The following SLC37A3 variants were observed in gnomAD, a reference collection of about 807,000 sequenced individuals.
SLC37A3 encodes the protein sugar phosphate exchanger 3.
SLC37A3 carries 51 observed loss-of-function variants against 67.1 expected under a neutral mutation model. That is an observed-to-expected ratio of 0.76 (90% CI 0.61 to 0.96). The LOEUF (loss-of-function observed/expected upper bound fraction) is 0.96, where lower values mean the gene tolerates loss of function less well. SLC37A3 is among the 40% of genes least tolerant of loss of function. The pLI is 0.00. For synonymous variants in SLC37A3, 214 were observed against 231.4 expected, an observed-to-expected ratio of 0.92 and a Z score of 0.68; for missense variants, 508 against 603.0, an observed-to-expected ratio of 0.84 and a Z score of 1.65.
At chr7:140,351,969 C>T (rs776758202) in intron 8 of SLC37A3, 93 bp downstream of exon 8, 2 of 1,280,054 alleles carry the variant, frequency 1.6e-6, no homozygotes, top group African/African-American at 1.5e-5. Context: ...TCAGAGTTTT[C>T]CTAGGAAAAA....
rs570809268 is a variant in SLC37A3 at position 140,359,125 on chromosome 7, C to T, written c.376-340G>A. 2.3e-3 allele frequency among the ~76,000 whole-genome samples: 356 copies of T among 151,608 alleles called. 3 individuals carry two copies. Among genetic ancestry groups the T allele is most frequent in the African/African-American group, 8.0e-3 (328 of 40,964 alleles). On this transcript the variant is annotated intron_variant, in intron 5 of 14. Coordinates refer to ENST00000326232, the MANE Select transcript of SLC37A3 (RefSeq NM_207113.3). Reference sequence around the variant, plus strand: ...TTGGGAGGCCGAGGAGGGCAGATCACAAGGTCAGGAAATCGAGACCATCCT... The same window carrying T: ...TTGGGAGGCCGAGGAGGGCAGATCATAAGGTCAGGAAATCGAGACCATCCT...
rs140980160 is a variant in SLC37A3, at chr7:140,347,712, T to TC, written c.1024+913dup. On this transcript the variant is annotated intron_variant, in intron 10 of 14. Transcript: ENST00000326232. ...ATACATTCTGCTCCTCTGCCTTACTTCCTTGTTCATACTTATTACCTCCTT... is the reference window on the plus strand; with the variant it reads ...ATACATTCTGCTCCTCTGCCTTACTTCCCTTGTTCATACTTATTACCTCCTT... 7.7e-3 allele frequency among the ~76,000 whole-genome samples: 1,162 copies of TC among 151,564 alleles called. 17 individuals are homozygous for TC. Among genetic ancestry groups the TC allele is most frequent in the African/African-American group, 0.025 (1,041 of 41,250 alleles).
chr7:140,355,360 C>A (rs150217986), intron 7 of SLC37A3, among the ~76,000 whole-genome samples: 3 of 152,078 alleles, frequency 2.0e-5, no homozygotes, highest in Admixed American at 2.0e-4. Flanking sequence ...TATAGGCATG[C>A]GCCACCACAC....
intron 5 of SLC37A3, among the ~76,000 whole-genome samples, chr7:140,362,905 G>T (rs1465309679): frequency 3.2e-5 from 2 of 63,420 alleles, no homozygotes; most frequent in Admixed American, 1.3e-4. Flanking sequence ...GGGAGGCGGG[G>T]GGGGGGGTCG....
At chr7:140,380,081 G>C (rs1243636687) in intron 3 of SLC37A3, 1 of 347,674 alleles carries the variant, frequency 2.9e-6, no homozygotes, top group African/African-American at 2.1e-5. Context: ...TCAACAGTTA[G>C]AAACAAGCCG....
rs757392952 is a variant in SLC37A3 at position 140,348,757 on chromosome 7, G to A, written c.893C>T (p.Ala298Val). Residue 298 changes from alanine (A) to valine (V), a missense_variant, in exon 10 of 15, where the codon GCC (alanine) becomes GTC (valine). Coordinates refer to ENST00000326232, the MANE Select transcript of SLC37A3 (RefSeq NM_207113.3). The part of the protein sequence containing the change: ...CLPGVIPYSL[A>V]YACLKLVNYS... ...ATTCACTAACTTCAAGCAGGCGTAG[G>A]CCAGTGAGTACTACAAGAAAAGCAT... The A allele has an allele frequency of 1.2e-6, 2 of 1,614,086 alleles. No homozygotes were observed. The highest frequency in any genetic ancestry group is 1.7e-5 in the Admixed American group (1 of 59,960).
At chr7:140,357,160 G>A (rs6957189) in intron 6 of SLC37A3, among the ~76,000 whole-genome samples, 63,180 of 151,846 alleles carry the variant, frequency 0.42, 13,450 homozygotes, top group Non-Finnish European at 0.46. Context: ...GCTGAGGTGA[G>A]CCGAGATCAC....
intron 13 of SLC37A3, among the ~76,000 whole-genome samples, chr7:140,341,405 A>G (rs1585250230): frequency 6.6e-6 from 1 of 152,102 alleles, no homozygotes; most frequent in East Asian, 1.9e-4. Flanking sequence ...ACACCGTGAC[A>G]GGTGCCTACT....
rs371492627 is a variant in SLC37A3, at chr7:140,396,355, T to C, written c.-71+2061A>G. On this transcript the variant is annotated intron_variant, in intron 1 of 14. Transcript: ENST00000326232. ...ATCTTTTTTATCCCACATTATCTCA[T>C]ACGAAGCCATTTACTTGAACCTCAT... Among the ~76,000 whole-genome samples, 10 of 152,326 alleles carry C rather than the reference T, an allele frequency of 6.6e-5. No homozygotes were observed. In the South Asian group the frequency reaches 1.7e-3, roughly 25 times the overall value.
chr7:140,340,234 C>T (rs1796305899), intron 13 of SLC37A3, among the ~76,000 whole-genome samples: 1 of 150,614 alleles, frequency 6.6e-6, no homozygotes, highest in Admixed American at 6.6e-5. Flanking sequence ...CAAGTTAGGC[C>T]TTTAATCCAT....
At chr7:140,362,923 G>A (rs1229642752) in intron 5 of SLC37A3, among the ~76,000 whole-genome samples, 1 of 66,658 alleles carries the variant, frequency 1.5e-5, no homozygotes, top group Non-Finnish European at 3.1e-5. Context: ...TCGGCCAGCC[G>A]CCCTGTCCGG....
chr7:140,374,724 TAGTGCCAGAGTAC>T (rs1352253194), intron 3 of SLC37A3, among the ~76,000 whole-genome samples: 7 of 151,958 alleles, frequency 4.6e-5, no homozygotes, highest in Non-Finnish European at 8.8e-5. Flanking sequence ...TGCACACCTG[TAGTGCCAGAGTAC>T]AGTGTCTGAG....
intron 9 of SLC37A3, among the ~76,000 whole-genome samples, chr7:140,350,058 C>T (rs1796731249): frequency 6.6e-6 from 1 of 152,166 alleles, no homozygotes; most frequent in African/African-American, 2.4e-5. Context: ...AGGGGATTGA[C>T]AGGCATGTAT....
intron 4 of SLC37A3, among the ~76,000 whole-genome samples, chr7:140,368,516 A>G (rs12703796): frequency 0.55 from 83,913 of 151,934 alleles, 23,300 homozygotes; most frequent in South Asian, 0.66. Flanking sequence ...GTGGTGAGCC[A>G]AGATTGTGCC....
At chr7:140,367,729 CAG>C (rs1197063514) in intron 4 of SLC37A3, among the ~76,000 whole-genome samples, 1 of 152,018 alleles carries the variant, frequency 6.6e-6, no homozygotes, top group East Asian at 1.9e-4. Context: ...TACAGCCAGA[CAG>C]AGACGCCAGC....
At chr7:140,364,922 C>G (rs1476178443) in intron 4 of SLC37A3, among the ~76,000 whole-genome samples, 1 of 152,222 alleles carries the variant, frequency 6.6e-6, no homozygotes, top group African/African-American at 2.4e-5. Context: ...GATAAGCTAT[C>G]CCAAAGGGAT....
At position 140,335,305 on chromosome 7, in the gene SLC37A3, A is replaced by G. The variant is rs1178090621; in HGVS notation, c.*107T>C. On this transcript the variant is annotated 3_prime_UTR_variant, in exon 15 of 15. Transcript: ENST00000326232. Reference sequence around the variant, plus strand: ...TGGCAGTGTTGAGAGACGCCTGACAATCCAAGATCAGGCTGGAGCTCCTAG... The same window carrying G: ...TGGCAGTGTTGAGAGACGCCTGACAGTCCAAGATCAGGCTGGAGCTCCTAG... 3 of 1,614,036 alleles carry G rather than the reference A, an allele frequency of 1.9e-6. No individual in the cohort carries two copies.
intron 12 of SLC37A3, 49 bp from the exon 13 acceptor site, chr7:140,343,612 C>T: frequency 6.3e-7 from 1 of 1,581,904 alleles, no homozygotes; most frequent in African/African-American, 1.3e-5. Context: ...CAACCACTAG[C>T]AATCTACTGC....
At chr7:140,355,088 A>G (rs1796967709) in intron 7 of SLC37A3, among the ~76,000 whole-genome samples, 1 of 152,020 alleles carries the variant, frequency 6.6e-6, no homozygotes. Context: ...AATACTTCTC[A>G]ACTGGTTATA....
Sources: gnomAD v4.1 joint callset for allele counts (sites outside exome capture counted in the v4.1 genomes callset) on GRCh38, gnomAD v4.1.1 for gene constraint, MANE v1.5 for transcripts, NCBI Gene and HGNC (gene_info 2026-07-23, HGNC 2026-07-21) for gene names.